The following CLIC5 variants were observed in gnomAD, a reference collection of about 807,000 sequenced individuals.
The protein encoded by CLIC5 is chloride intracellular channel protein 5.
CLIC5 carries 20 observed loss-of-function variants against 24.7 expected under a neutral mutation model. That is an observed-to-expected ratio of 0.81 (90% CI 0.57 to 1.18). The LOEUF (loss-of-function observed/expected upper bound fraction) is 1.18. Ranked by LOEUF, CLIC5 falls within the 50% of genes most tolerant of loss-of-function variation. The probability of loss-of-function intolerance (pLI) is 0.00; values close to 1 mark genes in which losing one functional copy is unlikely to be tolerated. For synonymous variants in CLIC5, 159 were observed against 135.6 expected, an observed-to-expected ratio of 1.17 and a Z score of -1.20; for missense variants, 341 against 326.1, an observed-to-expected ratio of 1.05 and a Z score of -0.35.
At position 46,002,172 on chromosome 6, in the gene CLIC5, C is replaced by T. The variant is rs372889178; in HGVS notation, c.63+13308G>A. Among the ~76,000 whole-genome samples, 152 of 152,198 alleles carry T rather than the reference C, an allele frequency of 1.0e-3. 5 individuals are homozygous for T. The South Asian group carries it at 0.027, about 27-fold the overall frequency. ...GATGGAATCCATCAAATTCCATGGA[C>T]GATATTGTAAATTTCTTTAGATTTA... is the stretch of plus-strand genomic sequence containing the variant. On this transcript the variant is annotated intron_variant, in intron 1 of 5. Transcript: ENST00000339561.
At chr6:45,970,600 G>T (rs1410261132) in intron 1 of CLIC5, among the ~76,000 whole-genome samples, 1 of 152,190 alleles carries the variant, frequency 6.6e-6, no homozygotes, top group Non-Finnish European at 1.5e-5. Flanking sequence ...CACCCAGGAA[G>T]CCACAACCTG....
chr6:45,973,374 G>T (rs1460169451), intron 1 of CLIC5, among the ~76,000 whole-genome samples: 1 of 152,192 alleles, frequency 6.6e-6, no homozygotes, highest in African/African-American at 2.4e-5. Context: ...TTCATAGAAA[G>T]CCTGCCTGTT....
At chr6:46,105,024 T>A in the CLIC5 span, among the ~76,000 whole-genome samples, 3 of 152,256 alleles carry the variant, frequency 2.0e-5, no homozygotes, top group African/African-American at 7.2e-5. Flanking sequence ...GGAGTAGGCA[T>A]TTATTGGTCC....
intron 1 of CLIC5, among the ~76,000 whole-genome samples, chr6:45,970,750 C>A (rs1765174060): frequency 6.6e-6 from 1 of 152,196 alleles, no homozygotes; most frequent in Non-Finnish European, 1.5e-5. Flanking sequence ...GTCAGACAAC[C>A]TGCATACTGG....
At chr6:46,092,204 G>A in the CLIC5 span, among the ~76,000 whole-genome samples, 1 of 152,270 alleles carries the variant, frequency 6.6e-6, no homozygotes, top group East Asian at 1.9e-4. Flanking sequence ...ACAATAAGCA[G>A]AGAAGCCAGA....
upstream of CLIC5, among the ~76,000 whole-genome samples, chr6:46,017,318 T>TA (rs567100419): frequency 6.6e-6 from 1 of 152,142 alleles, no homozygotes; most frequent in Non-Finnish European, 1.5e-5. Flanking sequence ...TATCGCTTAA[T>TA]AAAAAAATAA....
intron 5 of CLIC5, 81 bp downstream of exon 5, chr6:45,914,147 G>A: frequency 8.1e-7 from 1 of 1,230,120 alleles, no homozygotes; most frequent in Non-Finnish European, 1.1e-6. Context: ...AGGTGGTACT[G>A]TCCTTGACTC....
chr6:45,974,251 C>A (rs1765302778), intron 1 of CLIC5, among the ~76,000 whole-genome samples: 4 of 151,868 alleles, frequency 2.6e-5, no homozygotes, highest in Admixed American at 2.0e-4. Flanking sequence ...GGCTGCTCAT[C>A]TCTGGGCCTC....
intron 1 of CLIC5, among the ~76,000 whole-genome samples, chr6:46,032,941 T>A (rs1581884430): frequency 1.3e-5 from 2 of 150,636 alleles, no homozygotes; most frequent in East Asian, 3.9e-4. Flanking sequence ...TGAGCTCCTC[T>A]CACAAATATT....
At chr6:45,995,825 A>C (rs1242992236) in intron 1 of CLIC5, among the ~76,000 whole-genome samples, 4 of 152,180 alleles carry the variant, frequency 2.6e-5, no homozygotes, top group African/African-American at 9.7e-5. Flanking sequence ...GGGACATGGA[A>C]GCTCAAAGCC....
intron 1 of CLIC5, among the ~76,000 whole-genome samples, chr6:46,058,950 G>C (rs114885777): frequency 0.026 from 4,013 of 152,282 alleles, 160 homozygotes; most frequent in African/African-American, 0.092. Context: ...GGAAGTTCTG[G>C]TGCACAGTCC....
At chr6:45,977,165 T>A (rs1048915112) in intron 1 of CLIC5, among the ~76,000 whole-genome samples, 5 of 152,162 alleles carry the variant, frequency 3.3e-5, no homozygotes, top group African/African-American at 7.2e-5. Context: ...ATAACAAGGA[T>A]TATAGTAACT....
intron 1 of CLIC5, among the ~76,000 whole-genome samples, chr6:46,059,298 A>G (rs2127469281): frequency 6.6e-6 from 1 of 152,344 alleles, no homozygotes; most frequent in South Asian, 2.1e-4. Context: ...CACATTGCAT[A>G]CGGTTGTACA....
At chr6:45,897,612 A>G (rs1225808938), downstream of CLIC5, among the ~76,000 whole-genome samples, 1 of 152,100 alleles carries the variant, frequency 6.6e-6, no homozygotes, top group African/African-American at 2.4e-5. Flanking sequence ...CTTCCAAGGT[A>G]ATGAAGTGCT....
intron 4 of CLIC5, chr6:45,919,095 T>C: frequency 2.0e-6 from 2 of 984,456 alleles, no homozygotes; most frequent in South Asian, 4.7e-5. Flanking sequence ...CAACAACAAC[T>C]TTAATTTCGT....
chr6:45,971,771 C>T (rs1018679122), intron 1 of CLIC5, among the ~76,000 whole-genome samples: 2 of 152,192 alleles, frequency 1.3e-5, no homozygotes, highest in Non-Finnish European at 2.9e-5. Flanking sequence ...TTGGTGATGA[C>T]ATGTTTTATT....
At chr6:46,097,494 G>T in the CLIC5 span, 1 of 152,300 alleles carries the variant, frequency 6.6e-6, no homozygotes, top group Non-Finnish European at 1.5e-5. Flanking sequence ...AAAAAGCTGT[G>T]TTCAGACACA....
At chr6:46,034,632 T>C (rs1354530268) in intron 1 of CLIC5, among the ~76,000 whole-genome samples, 1 of 152,112 alleles carries the variant, frequency 6.6e-6, no homozygotes, top group Non-Finnish European at 1.5e-5. Context: ...GAAAAAGTGG[T>C]GGTAGCTCAA....
chr6:45,950,487 T>G (rs1581781865), intron 2 of CLIC5, among the ~76,000 whole-genome samples: 1 of 152,130 alleles, frequency 6.6e-6, no homozygotes, highest in East Asian at 1.9e-4. Context: ...GGAAGATTGC[T>G]TGAGCCCAGG....
Sources: allele counts gnomAD v4.1 joint callset (sites outside exome capture counted in the v4.1 genomes callset), GRCh38; gene constraint gnomAD v4.1.1; transcripts MANE v1.5; gene names NCBI Gene and HGNC (gene_info 2026-07-23, HGNC 2026-07-21).